Variants in CD6 observed in about 807,000 individuals in gnomAD.
CD6 encodes T-cell differentiation antigen CD6.
Under a neutral mutation model 75.3 loss-of-function variants are expected in CD6, and 53 were observed. That is an observed-to-expected ratio of 0.70 (90% confidence interval 0.56 to 0.88). The LOEUF is 0.88. Among genes scored for constraint, CD6 ranks in the 40% least tolerant of loss-of-function variants. The probability of loss-of-function intolerance (pLI) is 0.00; values close to 1 mark genes in which losing one functional copy is unlikely to be tolerated. For synonymous variants in CD6, 359 were observed against 381.5 expected, an observed-to-expected ratio of 0.94 and a Z score of 0.69; for missense variants, 770 against 897.1, an observed-to-expected ratio of 0.86 and a Z score of 1.81.
chr11:60,998,632 G>A (rs1858416291), intron 1 of CD6, among the ~76,000 whole-genome samples: 2 of 152,120 alleles, frequency 1.3e-5, no homozygotes, highest in African/African-American at 2.4e-5. Flanking sequence ...CTGGGAATGA[G>A]TATGGCTTTA....
rs1859063011 is a variant in CD6 at position 61,009,845 on chromosome 11, A to G, written c.1055A>G (p.Gln352Arg). 1 of 1,566,940 alleles carries G rather than the reference A, an allele frequency of 6.4e-7. No homozygotes were observed. The highest frequency in any genetic ancestry group is 8.7e-7 in the Non-Finnish European group (1 of 1,154,228). Residue 352 changes from glutamine to arginine, a missense_variant, in exon 5 of 13, where the codon CAG (glutamine) becomes CGG (arginine). Coordinates refer to ENST00000313421, the MANE Select transcript of CD6 (RefSeq NM_006725.5). Reference protein sequence around the residue: ...WRFNNSNLCSQSLAARVLCSA... With the variant: ...WRFNNSNLCSRSLAARVLCSA... Reference sequence around the variant, plus strand: ...TTCAACAACTCCAACCTCTGCAGCCAGTCGCTGGCAGCCAGGGTCCTCTGC... The same window carrying G: ...TTCAACAACTCCAACCTCTGCAGCCGGTCGCTGGCAGCCAGGGTCCTCTGC...
chr11:61,018,157 T>A (rs1859509919), intron 11 of CD6, 132 bp from the exon 12 acceptor site: 2 of 1,282,638 alleles, frequency 1.6e-6, no homozygotes, highest in Non-Finnish European at 2.2e-6. Flanking sequence ...ACATCTCCCA[T>A]CTCTGGGCCT....
At chr11:60,991,760 C>G (rs922184691) in intron 1 of CD6, among the ~76,000 whole-genome samples, 2 of 151,920 alleles carry the variant, frequency 1.3e-5, no homozygotes, top group Non-Finnish European at 2.9e-5. Context: ...ACCTCGAACT[C>G]CTGGGCTCAA....
At chr11:61,010,023 A>G in intron 5 of CD6, 149 bp downstream of exon 5, 1 of 717,312 alleles carries the variant, frequency 1.4e-6, no homozygotes, top group Admixed American at 3.3e-5. Context: ...TACGGTGCCC[A>G]GGCAGACAGT....
intron 1 of CD6, among the ~76,000 whole-genome samples, chr11:60,988,442 C>A (rs185625182): frequency 4.3e-4 from 65 of 152,292 alleles, no homozygotes; most frequent in African/African-American, 1.4e-3. Context: ...CCTGGTGCCT[C>A]CCCCAGGTTC....
At chr11:61,009,976 G>A (rs1367617668) in intron 5 of CD6, 102 bp downstream of exon 5, 2 of 1,164,996 alleles carry the variant, frequency 1.7e-6, no homozygotes, top group East Asian at 5.0e-5. Context: ...CACCAGATCG[G>A]CAATGGCACA....
intron 1 of CD6, among the ~76,000 whole-genome samples, chr11:60,982,012 T>C (rs1857577012): frequency 8.3e-6 from 1 of 120,778 alleles, no homozygotes; most frequent in Non-Finnish European, 1.7e-5. Context: ...CCAATCTCCA[T>C]CAGGACCCTG....
intron 1 of CD6, among the ~76,000 whole-genome samples, chr11:60,994,960 G>A (rs1858231231): frequency 2.0e-5 from 3 of 152,150 alleles, no homozygotes; most frequent in Admixed American, 2.0e-4. Context: ...CTGCAGGCTA[G>A]GACAGCACTG....
In CD6 at chr11:60,975,259, T is replaced by C. The variant is rs139272691; in HGVS notation, c.49+3345T>C. Among the ~76,000 whole-genome samples the C allele has an allele frequency of 1.9e-3, 282 of 152,350 alleles. 1 individual carries two copies. The highest frequency in any genetic ancestry group is 6.5e-3 in the African/African-American group (271 of 41,578). ...TACAAATGTAGCTAATCAAACTCCCTTGGTTCTGTGCTATTCCATAGGGTA... is the reference window on the plus strand; with the variant it reads ...TACAAATGTAGCTAATCAAACTCCCCTGGTTCTGTGCTATTCCATAGGGTA... On this transcript the variant is annotated intron_variant, in intron 1 of 12. Coordinates refer to ENST00000313421, the MANE Select transcript of CD6 (RefSeq NM_006725.5).
intron 1 of CD6, among the ~76,000 whole-genome samples, chr11:60,972,493 A>G (rs1857225461): frequency 6.6e-6 from 1 of 152,160 alleles, no homozygotes; most frequent in Non-Finnish European, 1.5e-5. Flanking sequence ...GCTGCCCCCA[A>G]GTGTCAAGGC....
In CD6 at chr11:61,015,736, C is replaced by T; in HGVS notation, c.1411C>T (p.Gln471Ter). 6.2e-7 allele frequency: 1 copy of T among 1,614,224 alleles called. No individual in the cohort carries two copies. The highest frequency in any genetic ancestry group is 1.6e-4 in the Middle Eastern group (1 of 6,062). ...KEVFMLPIQV[Q>*]APPPEDSDSG... ...AGTTTTCATGCTGCCCATCCAGGTC[C>T]AGGCCCCGCCCCCTGAGGACTCAGA... Residue 471 changes from glutamine (Q) to a stop codon, truncating the protein, a stop_gained, in exon 9 of 13, where the codon CAG (glutamine) becomes TAG (stop). Transcript: ENST00000313421. LOFTEE classifies it high-confidence loss of function.
intron 1 of CD6, among the ~76,000 whole-genome samples, chr11:60,990,082 C>T (rs770366889): frequency 2.6e-5 from 4 of 151,630 alleles, no homozygotes; most frequent in Non-Finnish European, 4.4e-5. Context: ...TTAGAAAATA[C>T]AAAAACAGAA....
chr11:61,000,220 T>G (rs1004259075), intron 1 of CD6, among the ~76,000 whole-genome samples: 3 of 152,190 alleles, frequency 2.0e-5, no homozygotes, highest in African/African-American at 7.2e-5. Context: ...TTATTTAGGA[T>G]AAGTTCCCAG....
chr11:60,989,832 T>G (rs991459745), intron 1 of CD6, among the ~76,000 whole-genome samples: 1 of 152,104 alleles, frequency 6.6e-6, no homozygotes, highest in Non-Finnish European at 1.5e-5. Context: ...GCCTGCACGA[T>G]AGTGATAATA....
At chr11:61,013,651 G>T in intron 7 of CD6, 88 bp downstream of exon 7, 2 of 1,443,428 alleles carry the variant, frequency 1.4e-6, no homozygotes, top group South Asian at 2.5e-5. Context: ...GTCCAGCAAT[G>T]ACCACCCGGC....
intron 1 of CD6, among the ~76,000 whole-genome samples, chr11:60,996,831 G>A (rs933199493): frequency 2.0e-5 from 3 of 152,182 alleles, no homozygotes; most frequent in Admixed American, 6.5e-5. Context: ...CCTTTGGGCC[G>A]CAGATTTTGC....
At chr11:60,977,880 T>C (rs554554867) in intron 1 of CD6, among the ~76,000 whole-genome samples, 183 of 152,308 alleles carry the variant, frequency 1.2e-3, no homozygotes, top group Non-Finnish European at 2.4e-3. Flanking sequence ...TGGAAAGCCA[T>C]TCATTATAAA....
intron 1 of CD6, among the ~76,000 whole-genome samples, chr11:60,980,008 T>C (rs1857502678): frequency 6.6e-6 from 1 of 152,154 alleles, no homozygotes. Context: ...TGTTCCACCC[T>C]GACAACACCA....
intron 1 of CD6, among the ~76,000 whole-genome samples, chr11:60,983,898 C>G (rs992132476): frequency 2.6e-5 from 4 of 152,272 alleles, no homozygotes; most frequent in African/African-American, 9.6e-5. Context: ...AAGCATAGAG[C>G]AGTTATTCTG....
Sources: allele counts gnomAD v4.1 joint callset (sites outside exome capture counted in the v4.1 genomes callset), GRCh38; gene constraint gnomAD v4.1.1; transcripts MANE v1.5; gene names NCBI Gene and HGNC (gene_info 2026-07-23, HGNC 2026-07-21).